RIMS2: variants seen among roughly 807,000 people sequenced by gnomAD.
The protein encoded by RIMS2 is regulating synaptic membrane exocytosis 2, also known as regulating synaptic membrane exocytosis protein 2.
RIMS2 carries 59 observed loss-of-function variants against 174.4 expected under a neutral mutation model. That is an observed-to-expected ratio of 0.34 (90% CI 0.27 to 0.42). The LOEUF is 0.42. RIMS2 is among the 10% of genes least tolerant of loss of function. RIMS2 has a pLI of 1.00. For synonymous variants in RIMS2, 606 were observed against 572.5 expected, an observed-to-expected ratio of 1.06 and a Z score of -0.84; for missense variants, 1,620 against 1,666.3, an observed-to-expected ratio of 0.97 and a Z score of 0.48.
At chr8:103,934,582 C>G (rs1339937612) in intron 12 of RIMS2, among the ~76,000 whole-genome samples, 1 of 152,100 alleles carries the variant, frequency 6.6e-6, no homozygotes, top group Non-Finnish European at 1.5e-5. Context: ...CTCTTCCTAT[C>G]CAATATAGAA....
At chr8:103,927,771 G>A in intron 10 of RIMS2, 2 of 994,762 alleles carry the variant, frequency 2.0e-6, no homozygotes, top group South Asian at 1.4e-5. Context: ...TTTACTTTTG[G>A]TCTTTTAGTT....
intron 19 of RIMS2, among the ~76,000 whole-genome samples, chr8:104,226,544 T>C (rs917389869): frequency 1.3e-5 from 2 of 152,238 alleles, no homozygotes; most frequent in Non-Finnish European, 2.9e-5. Flanking sequence ...GATGTGCTCC[T>C]TTCCCTCTCA....
chr8:104,171,755 C>T lies in RIMS2; in HGVS notation c.3335-73161C>T, dbSNP rs1051315142. On this transcript the variant is annotated intron_variant, in intron 19 of 23. Transcript: ENST00000504942. ...CAGAATCACTTTTATGGTTCCCATT[C>T]ATTTGGGTAAACTATTTCTTGAAAT... is the stretch of plus-strand genomic sequence containing the variant. Among the ~76,000 whole-genome samples the T allele has an allele frequency of 2.6e-5, 4 of 152,076 alleles. No individual in the cohort carries two copies. The East Asian group carries it at 7.7e-4, about 29-fold the overall frequency.
chr8:103,682,460 G>A (rs1364347873), intron 1 of RIMS2, among the ~76,000 whole-genome samples: 1 of 152,130 alleles, frequency 6.6e-6, no homozygotes, highest in Non-Finnish European at 1.5e-5. Context: ...TGACTGAAAC[G>A]TTTGTCCATT....
chr8:104,166,274 G>A (rs893274157), intron 19 of RIMS2, among the ~76,000 whole-genome samples: 10 of 151,380 alleles, frequency 6.6e-5, no homozygotes, highest in Admixed American at 3.9e-4. Flanking sequence ...CACTGTGTTA[G>A]CCAGGATGGT....
At chr8:104,204,549 C>T (rs1014671590) in intron 19 of RIMS2, among the ~76,000 whole-genome samples, 28 of 152,142 alleles carry the variant, frequency 1.8e-4, no homozygotes, top group Non-Finnish European at 2.9e-4. Flanking sequence ...AAAAAATTTA[C>T]AGAGAGTGCT....
intron 2 of RIMS2, among the ~76,000 whole-genome samples, chr8:103,718,850 T>C (rs2097407561): frequency 6.6e-6 from 1 of 152,072 alleles, no homozygotes; most frequent in African/African-American, 2.4e-5. Context: ...TGTGTGTATT[T>C]TTAGTAGAGA....
chr8:104,207,796 A>G (rs1199490406), intron 19 of RIMS2, among the ~76,000 whole-genome samples: 1 of 151,212 alleles, frequency 6.6e-6, no homozygotes, highest in African/African-American at 2.4e-5. Flanking sequence ...CTGGACAACA[A>G]GAGCAAAACT....
chr8:103,909,683 A>G (rs1449028874), intron 4 of RIMS2, among the ~76,000 whole-genome samples: 2 of 152,128 alleles, frequency 1.3e-5, no homozygotes, highest in Non-Finnish European at 2.9e-5. Context: ...TTTTTAAAAT[A>G]CTGGCTATTG....
At chr8:104,142,188 G>A (rs938213475) in intron 19 of RIMS2, among the ~76,000 whole-genome samples, 2 of 146,964 alleles carry the variant, frequency 1.4e-5, no homozygotes, top group African/African-American at 5.1e-5. Flanking sequence ...GTACAATGGC[G>A]TGATCTCGGC....
At chr8:103,820,197 A>G (rs942204298) in intron 3 of RIMS2, among the ~76,000 whole-genome samples, 1 of 151,956 alleles carries the variant, frequency 6.6e-6, no homozygotes, top group Non-Finnish European at 1.5e-5. Flanking sequence ...CAACCTGATC[A>G]TTTTTCTATG....
chr8:103,965,406 A>C (rs1305306239), intron 15 of RIMS2, among the ~76,000 whole-genome samples: 2 of 152,100 alleles, frequency 1.3e-5, no homozygotes, highest in African/African-American at 4.8e-5. Context: ...GGGAATTGCT[A>C]ATGTAAATGG....
chr8:103,939,010 G>A (rs56146220), intron 13 of RIMS2, among the ~76,000 whole-genome samples: 19,300 of 152,148 alleles, frequency 0.13, 1,686 homozygotes, highest in Non-Finnish European at 0.19. Flanking sequence ...TCATGGGCTG[G>A]CGCTGAGTGT....
intron 19 of RIMS2, among the ~76,000 whole-genome samples, chr8:104,085,525 C>A (rs755143904): frequency 6.6e-6 from 1 of 152,062 alleles, no homozygotes; most frequent in Non-Finnish European, 1.5e-5. Flanking sequence ...AGTGTGGATT[C>A]TTTTAATAAA....
intron 1 of RIMS2, among the ~76,000 whole-genome samples, chr8:103,653,555 C>G (rs751250750): frequency 6.6e-6 from 1 of 152,050 alleles, no homozygotes; most frequent in Non-Finnish European, 1.5e-5. Context: ...TAGGAATGGA[C>G]AAGTTGACAA....
intron 3 of RIMS2, among the ~76,000 whole-genome samples, chr8:103,840,203 T>C (rs57643265): frequency 0.16 from 23,884 of 152,114 alleles, 1,976 homozygotes; most frequent in Middle Eastern, 0.24. Flanking sequence ...TAATAAACAT[T>C]CATGAACATA....
chr8:103,751,932 G>A (rs1322560119), intron 2 of RIMS2, among the ~76,000 whole-genome samples: 2 of 152,084 alleles, frequency 1.3e-5, no homozygotes, highest in African/African-American at 4.8e-5. Context: ...CTTTTGCTGT[G>A]CAGAAGAAGC....
chr8:104,137,058 C>A (rs995063491), intron 19 of RIMS2, among the ~76,000 whole-genome samples: 4 of 152,136 alleles, frequency 2.6e-5, no homozygotes, highest in African/African-American at 7.2e-5. Context: ...CAGTCATCTA[C>A]ATGCCAGGAT....
chr8:104,075,055 G>A (rs567695397), intron 19 of RIMS2, among the ~76,000 whole-genome samples: 1 of 152,226 alleles, frequency 6.6e-6, no homozygotes, highest in Admixed American at 6.5e-5. Context: ...AAATACTTGG[G>A]GAAAAGTATT....
Sources: gnomAD v4.1 joint callset for allele counts (sites outside exome capture counted in the v4.1 genomes callset) on GRCh38, gnomAD v4.1.1 for gene constraint, MANE v1.5 for transcripts, NCBI Gene and HGNC (gene_info 2026-07-23, HGNC 2026-07-21) for gene names.